The following TRIM48 variants were observed in gnomAD, a reference collection of about 807,000 sequenced individuals.
TRIM48 encodes E3 ubiquitin-protein ligase TRIM48.
A neutral mutation model predicts 29.5 loss-of-function variants in TRIM48; 31 were observed. The observed-to-expected ratio is 1.05, with a 90% confidence interval of 0.79 to 1.42. TRIM48 has a LOEUF of 1.42. TRIM48 is among the 40% of genes most tolerant of loss of function. The pLI is 0.00. For synonymous variants in TRIM48, 128 were observed against 90.6 expected (o/e 1.41, Z -2.34); for missense variants, 344 against 265.0 (o/e 1.30, Z -2.07).
intron 1 of TRIM48, among the ~76,000 whole-genome samples, chr11:55,263,947 T>A (rs1565077072): frequency 6.6e-6 from 1 of 152,118 alleles, no homozygotes; most frequent in African/African-American, 2.4e-5. Flanking sequence ...GCTGATTGAA[T>A]GGTACCCACT....
rs1315410395 is a variant in TRIM48 at position 55,264,894 on chromosome 11, C to T, written c.45-6C>T. 6.3e-7 allele frequency: 1 copy of T among 1,583,036 alleles called. No homozygotes were observed. Among genetic ancestry groups the T allele is most frequent in the Admixed American group, 1.7e-5 (1 of 58,520 alleles). On this transcript the variant is annotated splice_region_variant and splice_polypyrimidine_tract_variant and intron_variant, in intron 1 of 5. Transcript: ENST00000417545. ...CCAAAATGACATGCTGCTCTTTCTT[C>T]CTCAGAAACATGAATTCTGGAATCT...
At chr11:55,268,473 C>A in intron 4 of TRIM48, 101 bp downstream of exon 4, 1 of 1,223,338 alleles carries the variant, frequency 8.2e-7, no homozygotes, top group Non-Finnish European at 1.1e-6. Context: ...GATATTGATA[C>A]TATTTTTTTT....
Position 55,267,743 on chromosome 11 carries a change from C to T in TRIM48, c.556-607C>T. 6.1e-6 allele frequency: 9 copies of T among 1,472,740 alleles called. 2 individuals are homozygous for T. Among genetic ancestry groups the T allele is most frequent in the Non-Finnish European group, 8.2e-6 (9 of 1,101,342 alleles). 91.2% of individuals were successfully genotyped at this position (1,472,740 alleles called of 1,614,324 possible). On this transcript the variant is annotated intron_variant, in intron 3 of 5. Transcript: ENST00000417545. Reference sequence around the variant, plus strand: ...CTACCTTTATTTCCATGATGTGTTTCCAAAAACACATTCGCATAACTAATG... The same window carrying T: ...CTACCTTTATTTCCATGATGTGTTTTCAAAAACACATTCGCATAACTAATG...
At chr11:55,266,992 G>A (rs1185263279) in intron 3 of TRIM48, among the ~76,000 whole-genome samples, 1 of 147,734 alleles carries the variant, frequency 6.8e-6, no homozygotes, top group Non-Finnish European at 1.5e-5. Context: ...AGCTGGACAT[G>A]TTAGTCTAAG....
Position 55,269,294 on chromosome 11 carries a change from G to A in TRIM48, c.631G>A (p.Ala211Thr), listed in dbSNP as rs369493728. 7.6e-6 allele frequency: 12 copies of A among 1,575,976 alleles called. 2 individuals are homozygous for A. The highest frequency in any genetic ancestry group is 4.8e-5 in the East Asian group (2 of 41,418). Reference protein sequence around the residue: ...MPQPLNLALRAGPITGLRDRL... With the variant: ...MPQPLNLALRTGPITGLRDRL... Reference sequence around the variant, plus strand: ...CCAGCCTCTGAATCTAGCGCTCAGGGCAGGGCCCATCACTGGACTGAGGGA... The same window carrying A: ...CCAGCCTCTGAATCTAGCGCTCAGGACAGGGCCCATCACTGGACTGAGGGA... The change falls in exon 5 of 6, where the codon GCA becomes ACA. Residue 211 changes from alanine (A) to threonine (T), a missense_variant. Physicochemically the swap from Ala to Thr is moderately conservative, Grantham distance 58 (BLOSUM62 0). Transcript: ENST00000417545.
At chr11:55,269,410 T>G in intron 5 of TRIM48, 71 bp downstream of exon 5, 4 of 1,516,000 alleles carry the variant, frequency 2.6e-6, no homozygotes, top group Non-Finnish European at 3.5e-6. Flanking sequence ...ATAGGTAATA[T>G]TTCATCCTTT....
chr11:55,263,357 A>C (rs1428954880), intron 1 of TRIM48, among the ~76,000 whole-genome samples: 1 of 152,096 alleles, frequency 6.6e-6, no homozygotes, highest in African/African-American at 2.4e-5. Flanking sequence ...ATGTCAAAAC[A>C]ATAAAACAAT....
Position 55,266,981 on chromosome 11 carries a change from T to C in TRIM48, c.555+1286T>C, listed in dbSNP as rs181823483. Among the ~76,000 whole-genome samples the C allele has an allele frequency of 7.9e-3, 1,166 of 147,896 alleles. 90 individuals carry two copies. The highest frequency in any genetic ancestry group is 0.027 in the African/African-American group (1,111 of 40,514). On this transcript the variant is annotated intron_variant, in intron 3 of 5. Coordinates refer to ENST00000417545, the MANE Select transcript of TRIM48 (RefSeq NM_024114.5). The stretch of plus-strand genomic sequence containing the variant: ...TAGGTTTTGCTGGGCGAAATGCATT[T>C]AGCTGGACATGTTAGTCTAAGGTCA...
At chr11:55,269,679 G>A (rs1452342201) in intron 5 of TRIM48, among the ~76,000 whole-genome samples, 19 of 146,920 alleles carry the variant, frequency 1.3e-4, no homozygotes, top group Non-Finnish European at 2.5e-4. Context: ...ACATTTCTTT[G>A]GTGTATTCAT....
Position 55,267,404 on chromosome 11 carries a change from C to A in TRIM48, c.556-946C>A, listed in dbSNP as rs1857409879. The A allele has an allele frequency of 1.8e-5, 29 of 1,574,916 alleles. 1 individual carries two copies. The highest frequency in any genetic ancestry group is 2.5e-5 in the Non-Finnish European group (29 of 1,160,164). On this transcript the variant is annotated intron_variant, in intron 3 of 5. Transcript: ENST00000417545. ...TCTTTTGACTAACCCATTATTACTG[C>A]CGTATTATGTGAATGTAAGGCTAGA...
rs1271313863 is a variant in TRIM48 at position 55,265,170 on chromosome 11, G to A, written c.315G>A (p.Glu105=). Residue 105 remains glutamate (E), a synonymous_variant, in exon 2 of 6, where the codon GAG becomes GAA. Coordinates refer to ENST00000417545, the MANE Select transcript of TRIM48 (RefSeq NM_024114.5). The part of the protein sequence containing the change: ...KASLWLFLSS[E]EQMCGIHRET... Reference sequence around the variant, plus strand: ...GTCTCTGGCTATTCCTGAGCTCTGAGGAGCAAATGTGTGGCATTCACAGGG... The same window carrying A: ...GTCTCTGGCTATTCCTGAGCTCTGAAGAGCAAATGTGTGGCATTCACAGGG... 1 of 1,582,776 alleles carries A rather than the reference G, an allele frequency of 6.3e-7. No homozygotes were observed.
intron 1 of TRIM48, 85 bp downstream of exon 1, chr11:55,262,396 T>G (rs1857316447): frequency 1.1e-6 from 1 of 943,464 alleles, no homozygotes; most frequent in South Asian, 1.4e-5. Context: ...CTCATTATCT[T>G]AAATCTACAC....
intron 3 of TRIM48, among the ~76,000 whole-genome samples, chr11:55,266,533 T>G (rs774006171): frequency 6.8e-6 from 1 of 147,520 alleles, no homozygotes; most frequent in Non-Finnish European, 1.5e-5. Context: ...TGCAAATATG[T>G]GCAATACATG....
chr11:55,267,583 G>A lies in TRIM48; in HGVS notation c.556-767G>A, dbSNP rs1857412705. On this transcript the variant is annotated intron_variant, in intron 3 of 5. Transcript: ENST00000417545. ...CTCATAGGAGGGAGATTTTTAAGAG[G>A]AATGTAAGCGGAGCTGATGAAAATG... 8 of 1,563,800 alleles carry A rather than the reference G, an allele frequency of 5.1e-6. 1 individual carries two copies. In the Admixed American group the frequency reaches 1.4e-4, roughly 27 times the overall value.
At position 55,262,176 on chromosome 11, in the gene TRIM48, A is replaced by T; in HGVS notation, c.-92A>T. ...GCTCAGTTTTCTCCAAAGGAGAAGG[A>T]GTGCACTTAGAGGGAGCTGTGTTTT... On this transcript the variant is annotated 5_prime_UTR_variant, in exon 1 of 6. Coordinates refer to ENST00000417545, the MANE Select transcript of TRIM48 (RefSeq NM_024114.5). 1 of 923,614 alleles carries T rather than the reference A, an allele frequency of 1.1e-6. No individual in the cohort carries two copies. The highest frequency in any genetic ancestry group is 1.4e-5 in the South Asian group (1 of 71,136). 57.2% of individuals were successfully genotyped at this position (923,614 alleles called of 1,614,324 possible).
chr11:55,270,300 C>G, intron 5 of TRIM48, 137 bp from the exon 6 acceptor site: 1 of 657,522 alleles, frequency 1.5e-6, no homozygotes, highest in Non-Finnish European at 2.4e-6. Flanking sequence ...TTAGAAGTTA[C>G]AAGCAAAAGT....
At position 55,262,298 on chromosome 11, in the gene TRIM48, C is replaced by T. The variant is rs1271639764; in HGVS notation, c.31C>T (p.Gln11Ter). MSRRIIVGTL[Q>*]RTQRNMNSGI... ...TCGAAGAATCATTGTGGGAACCCTTCAAAGAACCCAGCGGTGAGTGAAACT... is the reference window on the plus strand; with the variant it reads ...TCGAAGAATCATTGTGGGAACCCTTTAAAGAACCCAGCGGTGAGTGAAACT... Residue 11 changes from glutamine (Q) to a stop codon, truncating the protein, a stop_gained, in exon 1 of 6, where the codon CAA (glutamine) becomes TAA (stop). Transcript: ENST00000417545. LOFTEE classifies it high-confidence loss of function. 7 of 1,548,272 alleles carry T rather than the reference C, an allele frequency of 4.5e-6. No individual in the cohort carries two copies. The highest frequency in any genetic ancestry group is 6.1e-6 in the Non-Finnish European group (7 of 1,145,940).
rs111408036 is a variant in TRIM48 at position 55,264,128 on chromosome 11, C to T, written c.45-772C>T. Among the ~76,000 whole-genome samples, 1,203 of 124,800 alleles carry T rather than the reference C, an allele frequency of 9.6e-3. 104 individuals carry two copies. The highest frequency in any genetic ancestry group is 0.032 in the African/African-American group (1,147 of 35,362). 81.9% of individuals were successfully genotyped at this position (124,800 alleles called of 152,430 possible). A position where few individuals can be genotyped will look rare whatever the true frequency, so the allele number is the denominator to read the frequency against. ...CCATCACACCATGGAAATATAATTACACCTCTTTAAGTTTAACAAAAATCC... is the reference window on the plus strand; with the variant it reads ...CCATCACACCATGGAAATATAATTATACCTCTTTAAGTTTAACAAAAATCC... On this transcript the variant is annotated intron_variant, in intron 1 of 5. Coordinates refer to ENST00000417545, the MANE Select transcript of TRIM48 (RefSeq NM_024114.5).
chr11:55,264,405 G>C (rs1316220605), intron 1 of TRIM48, among the ~76,000 whole-genome samples: 1 of 147,958 alleles, frequency 6.8e-6, no homozygotes, highest in Non-Finnish European at 1.5e-5. Flanking sequence ...ATGCAGGCTT[G>C]TTACACAGGT....
Sources: gnomAD v4.1 joint callset for allele counts (sites outside exome capture counted in the v4.1 genomes callset) on GRCh38, gnomAD v4.1.1 for gene constraint, MANE v1.5 for transcripts, NCBI Gene and HGNC (gene_info 2026-07-23, HGNC 2026-07-21) for gene names.